NUMB: variants seen among roughly 807,000 people sequenced by gnomAD.
The protein encoded by NUMB is protein numb homolog.
NUMB carries 29 observed loss-of-function variants against 59.7 expected under a neutral mutation model. The observed-to-expected ratio is 0.49, with a 90% CI of 0.36 to 0.66. The LOEUF is 0.66. Ranked by LOEUF, NUMB falls within the 30% of genes least tolerant of loss-of-function variation. NUMB has a pLI of 0.00. For missense variants in NUMB, 723 were observed against 822.0 expected (o/e 0.88, Z 1.47); for synonymous variants, 288 against 288.2 (o/e 1.00, Z 0.01).
At chr14:73,332,694 GTTTA>G (rs1415225233) in intron 4 of NUMB, among the ~76,000 whole-genome samples, 1 of 37,606 alleles carries the variant, frequency 2.7e-5, no homozygotes, top group Non-Finnish European at 4.5e-5. Flanking sequence ...GAAAAATATT[GTTTA>G]TTTGTTTAAA....
intron 1 of NUMB, among the ~76,000 whole-genome samples, chr14:73,425,843 CTGT>C (rs1897554740): frequency 6.9e-6 from 1 of 145,258 alleles, no homozygotes; most frequent in Non-Finnish European, 1.5e-5. Context: ...GAGTCTCACT[CTGT>C]CACCCAGGCT....
At chr14:73,351,987 T>TAAAATA (rs1047511197) in intron 4 of NUMB, among the ~76,000 whole-genome samples, 1 of 150,872 alleles carries the variant, frequency 6.6e-6, no homozygotes. Context: ...AAAAATAAAA[T>TAAAATA]AAAATAAAAA....
At chr14:73,330,693 A>G (rs965027999) in intron 4 of NUMB, among the ~76,000 whole-genome samples, 2 of 152,238 alleles carry the variant, frequency 1.3e-5, no homozygotes, top group African/African-American at 4.8e-5. Context: ...TCGCTTTTTA[A>G]GTACAGATTT....
At chr14:73,277,821 G>A (rs1888285461) in intron 12 of NUMB, among the ~76,000 whole-genome samples, 1 of 152,066 alleles carries the variant, frequency 6.6e-6, no homozygotes, top group Admixed American at 6.6e-5. Context: ...ACTTTGGGAG[G>A]CCGAGGTGGG....
At chr14:73,334,762 T>C (rs1270895634) in intron 4 of NUMB, among the ~76,000 whole-genome samples, 1 of 151,836 alleles carries the variant, frequency 6.6e-6, no homozygotes, top group Non-Finnish European at 1.5e-5. Flanking sequence ...CTGGCCAACA[T>C]GGTGAAAAAC....
chr14:73,311,147 C>G (rs1003158860), intron 6 of NUMB, among the ~76,000 whole-genome samples: 2 of 152,152 alleles, frequency 1.3e-5, no homozygotes, highest in Non-Finnish European at 2.9e-5. Flanking sequence ...TGCCTACCCC[C>G]GGTGTTCAAG....
chr14:73,278,745 T>TTTTTTTTTTTTTTTTTTTTTTTTTTC (rs201063200), intron 12 of NUMB, among the ~76,000 whole-genome samples: 2 of 107,352 alleles, frequency 1.9e-5, no homozygotes, highest in Non-Finnish European at 3.6e-5. Context: ...TTTTTTTTTT[T>TTTTTTTTTTTTTTTTTTTTTTTTTTC]GAGACAGAGT....
chr14:73,427,849 A>G (rs1897655055), intron 1 of NUMB, among the ~76,000 whole-genome samples: 1 of 152,196 alleles, frequency 6.6e-6, no homozygotes, highest in African/African-American at 2.4e-5. Flanking sequence ...TACTTTCCCA[A>G]CAAACCAACA....
chr14:73,366,062 C>T (rs1027329301), intron 3 of NUMB, among the ~76,000 whole-genome samples: 2 of 152,220 alleles, frequency 1.3e-5, no homozygotes, highest in Admixed American at 1.3e-4. Context: ...AAAACACCAT[C>T]TCCTTAAAAG....
intron 2 of NUMB, among the ~76,000 whole-genome samples, chr14:73,370,614 C>T (rs1046721715): frequency 2.0e-5 from 3 of 152,056 alleles, no homozygotes; most frequent in Non-Finnish European, 2.9e-5. Flanking sequence ...ATTGCTTGAA[C>T]CCAGGAGGCG....
At chr14:73,344,868 C>T (rs1892823380) in intron 4 of NUMB, among the ~76,000 whole-genome samples, 1 of 152,042 alleles carries the variant, frequency 6.6e-6, no homozygotes. Flanking sequence ...AGGATTCTAC[C>T]AATTTATTAA....
At chr14:73,308,493 CAT>C (rs1890590460) in intron 6 of NUMB, among the ~76,000 whole-genome samples, 1 of 152,136 alleles carries the variant, frequency 6.6e-6, no homozygotes, top group African/African-American at 2.4e-5. Flanking sequence ...GCTCTTCACT[CAT>C]ATTTATTCAT....
chr14:73,333,818 A>C (rs923621443), intron 4 of NUMB, among the ~76,000 whole-genome samples: 10 of 151,734 alleles, frequency 6.6e-5, no homozygotes, highest in African/African-American at 2.2e-4. Flanking sequence ...CAAAGTTGTT[A>C]AGACTAGCCT....
At chr14:73,308,159 T>C (rs1190375619) in intron 6 of NUMB, among the ~76,000 whole-genome samples, 1 of 152,150 alleles carries the variant, frequency 6.6e-6, no homozygotes, top group African/African-American at 2.4e-5. Flanking sequence ...TAAGAGGAGA[T>C]GCTGGCTTGG....
At chr14:73,334,673 G>C (rs1892192267) in intron 4 of NUMB, among the ~76,000 whole-genome samples, 1 of 152,066 alleles carries the variant, frequency 6.6e-6, no homozygotes, top group Non-Finnish European at 1.5e-5. Context: ...CATAGGCTGG[G>C]TGCGGTGGCT....
At position 73,391,689 on chromosome 14, in the gene NUMB, T is replaced by A. The variant is rs368692985; in HGVS notation, c.-101+18248A>T. On this transcript the variant is annotated intron_variant, in intron 2 of 12. Transcript: ENST00000555238. The stretch of plus-strand genomic sequence containing the variant: ...GTAGGTCTGGGATGAGGCCCCAGCA[T>A]TTGCATTACTAACAAGCCCCTAGAT... 6.2e-4 allele frequency among the ~76,000 whole-genome samples: 95 copies of A among 152,280 alleles called. 1 individual carries two copies. Among genetic ancestry groups the A allele is most frequent in the African/African-American group, 9.1e-4 (38 of 41,560 alleles).
intron 1 of NUMB, among the ~76,000 whole-genome samples, chr14:73,414,772 T>G (rs1183491345): frequency 6.6e-6 from 1 of 151,888 alleles, no homozygotes; most frequent in Non-Finnish European, 1.5e-5. Context: ...CAGGCTGGAG[T>G]GCAGTAGCGT....
At chr14:73,297,108 G>A (rs765919305) in intron 7 of NUMB, 103 bp downstream of exon 7, 110 of 686,630 alleles carry the variant, frequency 1.6e-4, no homozygotes, top group Middle Eastern at 8.3e-4. Flanking sequence ...TGGAGGTTGC[G>A]GTGGGCCGAG....
intron 1 of NUMB, among the ~76,000 whole-genome samples, chr14:73,431,262 T>TC (rs975653138): frequency 2.7e-5 from 4 of 148,708 alleles, no homozygotes; most frequent in African/African-American, 5.0e-5. Flanking sequence ...GCTTTTCTTT[T>TC]TTTTTTTTTT....
Sources: allele counts gnomAD v4.1 joint callset (sites outside exome capture counted in the v4.1 genomes callset), GRCh38; gene constraint gnomAD v4.1.1; transcripts MANE v1.5; gene names NCBI Gene and HGNC (gene_info 2026-07-23, HGNC 2026-07-21).